Variants in RNF213 observed in about 807,000 individuals in gnomAD.
The protein encoded by RNF213 is E3 ubiquitin-protein ligase RNF213.
RNF213 carries 341 observed loss-of-function variants against 514.4 expected under a neutral mutation model. The observed-to-expected ratio is 0.66, with a 90% CI of 0.61 to 0.73. The LOEUF (loss-of-function observed/expected upper bound fraction) is 0.73. Among genes scored for constraint, RNF213 ranks in the 30% least tolerant of loss-of-function variants. The pLI is 0.00. For synonymous variants in RNF213, 2,655 were observed against 2,658.2 expected (o/e 1.00, Z 0.04); for missense variants, 5,767 against 6,615.6 (o/e 0.87, Z 4.45).
Position 80,288,563 on chromosome 17 carries a change from CT to C in RNF213, c.811-68del. 1 of 1,613,612 alleles carries C rather than the reference CT, an allele frequency of 6.2e-7. No homozygotes were observed. The highest frequency in any genetic ancestry group is 8.5e-7 in the Non-Finnish European group (1 of 1,179,968). On this transcript the variant is annotated intron_variant, in intron 4 of 67. Coordinates refer to ENST00000582970, the MANE Select transcript of RNF213 (RefSeq NM_001256071.3). The surrounding 1 kb of genome is among the most constrained non-coding windows in gnomAD (Gnocchi z 4.9). ...CCTCGGCTTGTGGCAGATGCTGCCCCTTAAACCATTGAGTCGGAGTCACCCT... is the reference window on the plus strand; with the variant it reads ...CCTCGGCTTGTGGCAGATGCTGCCCCTAAACCATTGAGTCGGAGTCACCCT...
intron 3 of RNF213, among the ~76,000 whole-genome samples, chr17:80,278,481 C>T (rs764168841): frequency 2.6e-5 from 4 of 152,170 alleles, no homozygotes; most frequent in African/African-American, 9.6e-5. Flanking sequence ...GGCAGGGTGC[C>T]GTGAGCCTGG....
chr17:80,378,206 A>C (rs2079839450), intron 54 of RNF213, among the ~76,000 whole-genome samples: 1 of 152,256 alleles, frequency 6.6e-6, no homozygotes, highest in South Asian at 2.1e-4. Flanking sequence ...GCATGGGGTC[A>C]GTGAGCCTTG....
rs921792234 is a variant in RNF213, at chr17:80,345,290, G to A, written c.6955G>A (p.Gly2319Ser). 10 of 1,613,916 alleles carry A rather than the reference G, an allele frequency of 6.2e-6. No homozygotes were observed. The highest frequency in any genetic ancestry group is 2.2e-5 in the East Asian group (1 of 44,892). Residue 2319 changes from glycine to serine, a missense_variant, in exon 29 of 68, where the codon GGC becomes AGC. Transcript: ENST00000582970. The surrounding 1 kb of genome is among the most constrained non-coding windows in gnomAD (Gnocchi z 6.0). ...NDDHTTMTFI[G>S]FHLQPNINGS... ...CGACCACACAACCATGACATTCATC[G>A]GCTTCCATCTGCAGCCCAACATCAA...
chr17:80,297,560 T>C (rs920401073), intron 10 of RNF213, among the ~76,000 whole-genome samples: 8 of 148,306 alleles, frequency 5.4e-5, no homozygotes, highest in African/African-American at 2.0e-4. Context: ...TCAGGATCAG[T>C]CTGGGAAACA....
chr17:80,294,870 T>C lies in RNF213; in HGVS notation c.1622T>C (p.Leu541Pro). The C allele has an allele frequency of 6.2e-7, 1 of 1,614,232 alleles. No homozygotes were observed. Among genetic ancestry groups the C allele is most frequent in the Non-Finnish European group, 8.5e-7 (1 of 1,180,042 alleles). ...ALMLDSTFSILQTWDTINLNS... is the reference protein window; with the variant it reads ...ALMLDSTFSIPQTWDTINLNS... ...ATGCTGGACAGCACCTTCAGCATCC[T>C]GCAGACCTGGGACACCATCAACCTG... Residue 541 changes from leucine (L) to proline (P), a missense_variant, in exon 9 of 68, where the codon CTG (leucine) becomes CCG (proline). Around this residue, in one of 13 missense-constraint regions of RNF213, gnomAD observed 592 missense variants for 673.9 expected, o/e 0.88. Transcript: ENST00000582970.
At chr17:80,341,540 C>G (rs1028111012) in intron 26 of RNF213, 16 of 152,078 alleles carry the variant, frequency 1.1e-4, no homozygotes, top group African/African-American at 3.6e-4. Flanking sequence ...AACAGCAGAC[C>G]ACGTATATGA....
chr17:80,328,314 T>G lies in RNF213; in HGVS notation c.3368-14T>G. The G allele has an allele frequency of 2.0e-6, 3 of 1,533,774 alleles. No individual in the cohort carries two copies. The highest frequency in any genetic ancestry group is 2.6e-6 in the Non-Finnish European group (3 of 1,144,858). On this transcript the variant is annotated splice_polypyrimidine_tract_variant and intron_variant, in intron 19 of 67. Coordinates refer to ENST00000582970, the MANE Select transcript of RNF213 (RefSeq NM_001256071.3). ...GCTGTATTGGGTTACTTTATTGGTG[T>G]TCTTATTTTCCAGGGGAAAAAAGTC...
chr17:80,396,325 G>A lies in RNF213; in HGVS notation c.*2827G>A, dbSNP rs1007604179. On this transcript the variant is annotated 3_prime_UTR_variant, in exon 68 of 68. Transcript: ENST00000582970. ...TTATTTGCCTTTCATGAATAGTTATGAGACTTTGTGCATGTGTTAACCGAG... is the reference window on the plus strand; with the variant it reads ...TTATTTGCCTTTCATGAATAGTTATAAGACTTTGTGCATGTGTTAACCGAG... 1 of 152,192 alleles carries A rather than the reference G, an allele frequency of 6.6e-6. No individual in the cohort carries two copies. Among genetic ancestry groups the A allele is most frequent in the African/African-American group, 2.4e-5 (1 of 41,438 alleles). 9.4% of individuals were successfully genotyped at this position (152,192 alleles called of 1,614,324 possible). A position where few individuals can be genotyped will look rare whatever the true frequency, so the allele number is the denominator to read the frequency against.
At chr17:80,269,493 CCATT>C (rs2043737491) in intron 2 of RNF213, among the ~76,000 whole-genome samples, 1 of 151,948 alleles carries the variant, frequency 6.6e-6, no homozygotes, top group Non-Finnish European at 1.5e-5. Flanking sequence ...ATCCATCCAT[CCATT>C]CATCTATTCT....
chr17:80,374,749 C>T (rs2079677151), intron 50 of RNF213, 160 bp downstream of exon 50: 2 of 815,156 alleles, frequency 2.5e-6, no homozygotes, highest in Non-Finnish European at 4.0e-6. Flanking sequence ...CCAGGGCGCA[C>T]CTGGCTAGTG....
chr17:80,281,403 AC>A (rs1315923070), intron 3 of RNF213, among the ~76,000 whole-genome samples: 1 of 97,730 alleles, frequency 1.0e-5, no homozygotes, highest in Non-Finnish European at 2.0e-5. Flanking sequence ...CCACTTACAC[AC>A]CCCCAAGACA....
rs373475992 is a variant in RNF213 at position 80,377,231 on chromosome 17, G to T, written c.13510+268G>T. 1.6e-5 allele frequency: 8 copies of T among 492,818 alleles called. No homozygotes were observed. The highest frequency in any genetic ancestry group is 1.4e-4 in the African/African-American group (7 of 51,612). The allele number at this position is 492,818 out of a possible 1,614,324, so 30.5% of individuals were successfully genotyped here. ...TCTGTTCTCTGGAATATGCCATTTT[G>T]GGAGAAGGGAGGGACTGGGAACCAC... On this transcript the variant is annotated intron_variant, in intron 53 of 67. Coordinates refer to ENST00000582970, the MANE Select transcript of RNF213 (RefSeq NM_001256071.3). The surrounding 1 kb of genome is among the most constrained non-coding windows in gnomAD (Gnocchi z 4.1).
rs1443725633 is a variant in RNF213 at position 80,264,008 on chromosome 17, C to G, written c.97+230C>G. On this transcript the variant is annotated intron_variant, in intron 2 of 67. Coordinates refer to ENST00000582970, the MANE Select transcript of RNF213 (RefSeq NM_001256071.3). The surrounding 1 kb of genome is among the most constrained non-coding windows in gnomAD (Gnocchi z 5.0). ...CACACAGGTCAAGCCAGGGGACCAC[C>G]ACCCAGTGCTTCCGTCCCTCGTTCA... 2.6e-5 allele frequency among the ~76,000 whole-genome samples: 4 copies of G among 152,228 alleles called. No homozygotes were observed. The highest frequency in any genetic ancestry group is 5.9e-5 in the Non-Finnish European group (4 of 68,032).
chr17:80,300,777 C>T (rs2045148905), intron 11 of RNF213, among the ~76,000 whole-genome samples: 2 of 152,164 alleles, frequency 1.3e-5, no homozygotes, highest in African/African-American at 2.4e-5. Context: ...GTCTCAAACC[C>T]CAGACCTCAA....
At chr17:80,381,865 C>T in intron 57 of RNF213, 138 bp downstream of exon 57, 1 of 861,550 alleles carries the variant, frequency 1.2e-6, no homozygotes. Context: ...TGAGAGAACA[C>T]ACAGAGAGAA....
intron 49 of RNF213, 100 bp downstream of exon 49, chr17:80,373,265 A>T (rs1028195967): frequency 1.6e-6 from 1 of 637,958 alleles, no homozygotes; most frequent in Admixed American, 3.2e-5. Context: ...CCCCCCCCAC[A>T]CCCCACCCCC....
At position 80,393,749 on chromosome 17, in the gene RNF213, CAATG is replaced by C. The variant is rs968813824; in HGVS notation, c.*254_*257del. On this transcript the variant is annotated 3_prime_UTR_variant, in exon 68 of 68. Transcript: ENST00000582970. ...ATGAGTACTGTTCATTGAGAGATGA[CAATG>C]AAGATTAGATGAAATTGGAAATAAA... 6.3e-6 allele frequency: 3 copies of C among 477,806 alleles called. No individual in the cohort carries two copies. The highest frequency in any genetic ancestry group is 4.3e-5 in the South Asian group (2 of 46,724). 29.6% of individuals were successfully genotyped at this position (477,806 alleles called of 1,614,324 possible).
chr17:80,371,767 T>TATAC (rs1555676603), intron 46 of RNF213, 107 bp from the exon 47 acceptor site: 1 of 644,882 alleles, frequency 1.6e-6, no homozygotes, highest in Non-Finnish European at 2.8e-6. Context: ...TATATGTTTA[T>TATAC]ACACACACAC....
At chr17:80,356,779 C>CT (rs2078841859) in intron 36 of RNF213, among the ~76,000 whole-genome samples, 1 of 152,254 alleles carries the variant, frequency 6.6e-6, no homozygotes, top group African/African-American at 2.4e-5. Flanking sequence ...CCTCTGTGCA[C>CT]TGGGATGCTT....
Sources: gnomAD v4.1 joint callset for allele counts (sites outside exome capture counted in the v4.1 genomes callset) on GRCh38, gnomAD v4.1.1 for gene constraint, gnomAD v4.1.1 regional missense constraint, Gnocchi (gnomAD v3.1) non-coding constraint, MANE v1.5 for transcripts, NCBI Gene and HGNC (gene_info 2026-07-23, HGNC 2026-07-21) for gene names.